The following DPYD variants were observed in gnomAD, a reference collection of about 807,000 sequenced individuals.
The protein encoded by DPYD is dihydropyrimidine dehydrogenase [NADP(+)].
In DPYD, 109 loss-of-function variants were observed where a neutral mutation model predicts 116.2. The ratio of observed to expected loss-of-function variants is 0.94; its 90% CI spans 0.80 to 1.10. The LOEUF is 1.10. Among genes scored for constraint, DPYD ranks in the 50% least tolerant of loss-of-function variants. DPYD has a pLI of 0.00. For missense variants in DPYD, 1,302 were observed against 1,254.5 expected (o/e 1.04, Z -0.57); for synonymous variants, 440 against 432.0 (o/e 1.02, Z -0.23).
chr1:97,159,931 C>A (rs1655765593), intron 20 of DPYD, among the ~76,000 whole-genome samples: 1 of 152,030 alleles, frequency 6.6e-6, no homozygotes, highest in South Asian at 2.1e-4. Flanking sequence ...CCTTCCTTGT[C>A]TTCTTCTCTC....
At chr1:97,802,679 C>T (rs1236000382) in intron 3 of DPYD, among the ~76,000 whole-genome samples, 1 of 151,912 alleles carries the variant, frequency 6.6e-6, no homozygotes, top group African/African-American at 2.4e-5. Context: ...AGTCCCAGTT[C>T]TCCCACTTAT....
chr1:97,255,896 G>A (rs1420370194), intron 18 of DPYD, among the ~76,000 whole-genome samples: 1 of 152,058 alleles, frequency 6.6e-6, no homozygotes, highest in Non-Finnish European at 1.5e-5. Context: ...TAGAAGTCAT[G>A]TGGGCTTGAG....
intron 18 of DPYD, among the ~76,000 whole-genome samples, chr1:97,278,812 T>C (rs1665120689): frequency 6.6e-6 from 1 of 152,212 alleles, no homozygotes; most frequent in South Asian, 2.1e-4. Context: ...CAATGAAATT[T>C]ACTATCAGTG....
intron 16 of DPYD, among the ~76,000 whole-genome samples, chr1:97,318,861 C>A (rs967135932): frequency 9.3e-5 from 14 of 149,834 alleles, no homozygotes; most frequent in Admixed American, 8.7e-4. Context: ...TGTAAAAGAA[C>A]AGAAATTATA....
intron 11 of DPYD, among the ~76,000 whole-genome samples, chr1:97,571,591 A>C (rs1293420391): frequency 6.6e-6 from 1 of 151,884 alleles, no homozygotes; most frequent in African/African-American, 2.4e-5. Flanking sequence ...TTAAAAGATG[A>C]ATGCATTAAA....
intron 2 of DPYD, among the ~76,000 whole-genome samples, chr1:97,838,510 T>C (rs1020905118): frequency 2.6e-5 from 4 of 152,208 alleles, no homozygotes; most frequent in African/African-American, 4.8e-5. Flanking sequence ...TTCTTTCCAA[T>C]TGTGTGTTTC....
chr1:97,315,812 C>A (rs566757513), intron 16 of DPYD, among the ~76,000 whole-genome samples: 1 of 152,034 alleles, frequency 6.6e-6, no homozygotes, highest in East Asian at 2.0e-4. Context: ...ACCTACCCAG[C>A]AATAGCCAAT....
intron 20 of DPYD, among the ~76,000 whole-genome samples, chr1:97,166,189 G>A (rs970410178): frequency 6.6e-6 from 1 of 152,084 alleles, no homozygotes; most frequent in Non-Finnish European, 1.5e-5. Context: ...CAACCTAAAT[G>A]CCCATCAATG....
Position 97,083,452 on chromosome 1 carries a change from T to C in DPYD, c.2767-982A>G, listed in dbSNP as rs1017803773. Among the ~76,000 whole-genome samples, 4 of 152,144 alleles carry C rather than the reference T, an allele frequency of 2.6e-5. No homozygotes were observed. The East Asian group carries it at 5.8e-4, about 22-fold the overall frequency. On this transcript the variant is annotated intron_variant, in intron 21 of 22. Coordinates refer to ENST00000370192, the MANE Select transcript of DPYD (RefSeq NM_000110.4). ...TTTTTTCTATTTGATCTCTAAATTATAATATACTCATTATCATGGAATTTC... is the reference window on the plus strand; with the variant it reads ...TTTTTTCTATTTGATCTCTAAATTACAATATACTCATTATCATGGAATTTC...
intron 10 of DPYD, chr1:97,586,138 A>C (rs372037152): frequency 3.3e-5 from 5 of 153,262 alleles, no homozygotes; most frequent in Admixed American, 1.3e-4. Context: ...AGACTGGGCT[A>C]ATAGGACAAC....
chr1:97,584,358 G>GT (rs1653929715), intron 10 of DPYD, among the ~76,000 whole-genome samples: 1 of 151,948 alleles, frequency 6.6e-6, no homozygotes, highest in African/African-American at 2.4e-5. Flanking sequence ...CATTCTGTAG[G>GT]TTGCCTGTTC....
At chr1:97,337,770 C>A (rs1353004066) in intron 16 of DPYD, among the ~76,000 whole-genome samples, 1 of 151,776 alleles carries the variant, frequency 6.6e-6, no homozygotes, top group Admixed American at 6.6e-5. Flanking sequence ...TTAAGTCTGG[C>A]AGAATGGCAT....
At position 97,720,723 on chromosome 1, in the gene DPYD, G is replaced by A. The variant is rs1662875658; in HGVS notation, c.483+787C>T. ...CATTAACTAAAAATCTAGGTTGACG[G>A]GCACTTAATTTGACCTTCTAGCCAA... is the stretch of plus-strand genomic sequence containing the variant. On this transcript the variant is annotated intron_variant, in intron 5 of 22. Transcript: ENST00000370192. 3 of 1,420,540 alleles carry A rather than the reference G, an allele frequency of 2.1e-6. No homozygotes were observed. In the South Asian group the frequency reaches 4.9e-5, roughly 23 times the overall value. The allele number at this position is 1,420,540 out of a possible 1,614,324, so 88.0% of individuals were successfully genotyped here. A position where few individuals can be genotyped will look rare whatever the true frequency, so the allele number is the denominator to read the frequency against.
At chr1:97,907,301 T>C in intron 1 of DPYD, among the ~76,000 whole-genome samples, 1 of 152,136 alleles carries the variant, frequency 6.6e-6, no homozygotes, top group East Asian at 1.9e-4. Context: ...ACCTGGTTCT[T>C]TTCCATATTT....
chr1:97,465,897 C>T (rs939809791), intron 13 of DPYD, among the ~76,000 whole-genome samples: 1 of 152,112 alleles, frequency 6.6e-6, no homozygotes, highest in Non-Finnish European at 1.5e-5. Context: ...ATTCATTGAG[C>T]TCAGGAGTTC....
At chr1:97,286,327 A>G (rs903564689) in intron 18 of DPYD, among the ~76,000 whole-genome samples, 2 of 152,088 alleles carry the variant, frequency 1.3e-5, no homozygotes, top group Non-Finnish European at 2.9e-5. Context: ...GGGTATCCCG[A>G]CCTTTCTCTC....
At chr1:97,602,439 T>C (rs1655310265) in intron 8 of DPYD, among the ~76,000 whole-genome samples, 1 of 151,970 alleles carries the variant, frequency 6.6e-6, no homozygotes, top group African/African-American at 2.4e-5. Flanking sequence ...ATGAATGTAT[T>C]AAGAAGTACA....
At chr1:97,844,289 A>G (rs1017814607) in intron 2 of DPYD, among the ~76,000 whole-genome samples, 20 of 152,140 alleles carry the variant, frequency 1.3e-4, no homozygotes, top group African/African-American at 4.3e-4. Flanking sequence ...TAATCTCAGA[A>G]GTCGTAAGTG....
chr1:97,727,538 T>C (rs1229584904), intron 4 of DPYD, among the ~76,000 whole-genome samples: 1 of 151,600 alleles, frequency 6.6e-6, no homozygotes, highest in Non-Finnish European at 1.5e-5. Flanking sequence ...AGGGGAAAGG[T>C]AGGGAGCCCA....
Sources: gnomAD v4.1 joint callset for allele counts (sites outside exome capture counted in the v4.1 genomes callset) on GRCh38, gnomAD v4.1.1 for gene constraint, MANE v1.5 for transcripts, NCBI Gene and HGNC (gene_info 2026-07-23, HGNC 2026-07-21) for gene names.